The following AKAP12 variants were observed in gnomAD, a reference collection of about 807,000 sequenced individuals.
AKAP12 encodes A-kinase anchor protein 12.
Under a neutral mutation model 79.9 loss-of-function variants are expected in AKAP12, and 32 were observed. The observed-to-expected ratio is 0.40, with a 90% CI of 0.30 to 0.54. The LOEUF (loss-of-function observed/expected upper bound fraction) is 0.54. Among genes scored for constraint, AKAP12 ranks in the 20% least tolerant of loss-of-function variants. The pLI, the probability that AKAP12 is intolerant of heterozygous loss-of-function variation, is 0.48. For synonymous variants in AKAP12, 808 were observed against 857.0 expected (o/e 0.94, Z 1.00); for missense variants, 2,074 against 2,177.0 (o/e 0.95, Z 0.94).
chr6:151,313,992 T>C (rs566413680), intron 3 of AKAP12, among the ~76,000 whole-genome samples: 1 of 152,228 alleles, frequency 6.6e-6, no homozygotes, highest in Non-Finnish European at 1.5e-5. Flanking sequence ...GTAATTCCGT[T>C]ATGCCTTTTT....
At chr6:151,250,675 G>A (rs1186825875) in intron 2 of AKAP12, among the ~76,000 whole-genome samples, 1 of 149,292 alleles carries the variant, frequency 6.7e-6, no homozygotes, top group Non-Finnish European at 1.5e-5. Context: ...GCGCGATCTC[G>A]GCTCACTGCA....
chr6:151,286,425 G>C (rs928646734), intron 2 of AKAP12, among the ~76,000 whole-genome samples: 2 of 152,220 alleles, frequency 1.3e-5, no homozygotes, highest in African/African-American at 4.8e-5. Flanking sequence ...CAGGGAGGGG[G>C]CATTTCCCAG....
chr6:151,346,231 C>G (rs1778099644), intron 3 of AKAP12, among the ~76,000 whole-genome samples: 1 of 152,144 alleles, frequency 6.6e-6, no homozygotes, highest in South Asian at 2.1e-4. Flanking sequence ...CATCTCCCTC[C>G]TACTTCCCCC....
intron 2 of AKAP12, among the ~76,000 whole-genome samples, chr6:151,305,529 A>C (rs531299768): frequency 2.0e-5 from 3 of 152,200 alleles, no homozygotes; most frequent in Admixed American, 2.0e-4. Context: ...GAGTGGATGA[A>C]TGGCTGATGG....
chr6:151,251,223 C>T (rs971574625), intron 2 of AKAP12, among the ~76,000 whole-genome samples: 1 of 152,160 alleles, frequency 6.6e-6, no homozygotes, highest in African/African-American at 2.4e-5. Context: ...TGCAGCCCGT[C>T]GATGTTAAGA....
At chr6:151,273,993 C>T (rs1271790058) in intron 2 of AKAP12, among the ~76,000 whole-genome samples, 2 of 151,478 alleles carry the variant, frequency 1.3e-5, no homozygotes, top group African/African-American at 4.8e-5. Flanking sequence ...TGCACCACTG[C>T]ACTCCAGCCT....
At chr6:151,348,324 C>CAAAAA (rs3029381) in intron 3 of AKAP12, 15 of 396,026 alleles carry the variant, frequency 3.8e-5, no homozygotes, top group African/African-American at 1.2e-4. Context: ...GACTCTGTCT[C>CAAAAA]AAAAAAAAAA....
Position 151,302,583 on chromosome 6 carries a change from G to C in AKAP12, c.163-3164G>C, listed in dbSNP as rs575067865. Among the ~76,000 whole-genome samples the C allele has an allele frequency of 1.3e-3, 198 of 151,816 alleles. 1 individual carries two copies. The highest frequency in any genetic ancestry group is 5.4e-3 in the Admixed American group (82 of 15,272). ...TTGGGCAATTCACAGAGGATTATAAGAATTTTTTCAATAATTTTAGGTACT... is the reference window on the plus strand; with the variant it reads ...TTGGGCAATTCACAGAGGATTATAACAATTTTTTCAATAATTTTAGGTACT... On this transcript the variant is annotated intron_variant, in intron 2 of 4. Transcript: ENST00000402676.
At chr6:151,305,993 G>C (rs1776970800) in intron 3 of AKAP12, 90 bp downstream of exon 3, 1 of 1,367,466 alleles carries the variant, frequency 7.3e-7, no homozygotes, top group Admixed American at 2.6e-5. Context: ...CTGCCTGGTG[G>C]TGGATTGGTG....
intron 2 of AKAP12, among the ~76,000 whole-genome samples, chr6:151,255,853 T>A (rs2114691102): frequency 6.6e-6 from 1 of 152,258 alleles, no homozygotes; most frequent in South Asian, 2.1e-4. Context: ...TAAATAAATT[T>A]AGGAAGAAGG....
Position 151,288,817 on chromosome 6 carries a change from C to A in AKAP12, c.163-16930C>A, listed in dbSNP as rs755540565. 3.9e-5 allele frequency among the ~76,000 whole-genome samples: 6 copies of A among 152,248 alleles called. No individual in the cohort carries two copies. In the Middle Eastern group the frequency reaches 0.017, roughly 432 times the overall value. ...TTTTCAGGTGTGCTTATTTGGGGAA[C>A]GAGGCCTGGTCTGTGTTCCGCTGTA... is the stretch of plus-strand genomic sequence containing the variant. On this transcript the variant is annotated intron_variant, in intron 2 of 4. Transcript: ENST00000402676.
intron 3 of AKAP12, 102 bp from the exon 4 acceptor site, chr6:151,348,609 A>G (rs1778174845): frequency 1.2e-6 from 1 of 864,280 alleles, no homozygotes; most frequent in Admixed American, 2.7e-5. Flanking sequence ...ACTGCCCTCC[A>G]GCCGGGGCAA....
At chr6:151,250,096 T>G (rs1797145422) in intron 2 of AKAP12, among the ~76,000 whole-genome samples, 1 of 152,084 alleles carries the variant, frequency 6.6e-6, no homozygotes, top group African/African-American at 2.4e-5. Flanking sequence ...AATTTAAAAA[T>G]TAGCCGGGTG....
intron 2 of AKAP12, among the ~76,000 whole-genome samples, chr6:151,244,466 A>G (rs1797032868): frequency 1.3e-5 from 2 of 152,148 alleles, no homozygotes; most frequent in African/African-American, 4.8e-5. Flanking sequence ...GGAGTTTGCA[A>G]TGAGCCGAGT....
intron 2 of AKAP12, among the ~76,000 whole-genome samples, chr6:151,295,081 A>G (rs1776695412): frequency 6.6e-6 from 1 of 152,346 alleles, no homozygotes; most frequent in South Asian, 2.1e-4. Context: ...GTGTTGATAC[A>G]CGCAGTATAC....
chr6:151,345,789 C>A (rs1476066221), intron 3 of AKAP12, among the ~76,000 whole-genome samples: 2 of 127,212 alleles, frequency 1.6e-5, no homozygotes, highest in South Asian at 2.5e-4. Context: ...GAGACTCTGT[C>A]TTAAAAAAAA....
At chr6:151,316,532 C>T (rs1279963547) in intron 3 of AKAP12, among the ~76,000 whole-genome samples, 1 of 151,348 alleles carries the variant, frequency 6.6e-6, no homozygotes, top group Admixed American at 6.6e-5. Context: ...TGAGGCCTCT[C>T]TCTTTTGCTC....
intron 3 of AKAP12, among the ~76,000 whole-genome samples, chr6:151,327,757 T>C (rs1777565684): frequency 6.6e-6 from 1 of 152,224 alleles, no homozygotes; most frequent in Non-Finnish European, 1.5e-5. Flanking sequence ...ATCAGGTAAT[T>C]GGCTCTATTG....
chr6:151,316,276 A>T (rs1777232664), intron 3 of AKAP12, among the ~76,000 whole-genome samples: 2 of 152,204 alleles, frequency 1.3e-5, no homozygotes, highest in Non-Finnish European at 2.9e-5. Context: ...TGCATTAGTC[A>T]TTCAGGTGAA....
Sources: gnomAD v4.1 joint callset for allele counts (sites outside exome capture counted in the v4.1 genomes callset) on GRCh38, gnomAD v4.1.1 for gene constraint, MANE v1.5 for transcripts, NCBI Gene and HGNC (gene_info 2026-07-23, HGNC 2026-07-21) for gene names.